IFNL3: variants seen among roughly 807,000 people sequenced by gnomAD.
The protein encoded by IFNL3 is interferon lambda-3.
In IFNL3, 16 loss-of-function variants were observed where a neutral mutation model predicts 16.3. The ratio of observed to expected loss-of-function variants is 0.98; its 90% CI spans 0.67 to 1.50. The LOEUF (loss-of-function observed/expected upper bound fraction) is 1.50. IFNL3 is among the 40% of genes most tolerant of loss of function. The pLI, the probability that IFNL3 is intolerant of heterozygous loss-of-function variation, is 0.00. For synonymous variants in IFNL3, 115 were observed against 115.3 expected (o/e 1.00, Z 0.02); for missense variants, 254 against 253.5 (o/e 1.00, Z -0.01).
At chr19:39,245,203 C>T (rs913967857), upstream of IFNL3, 7 of 804,384 alleles carry the variant, frequency 8.7e-6, no homozygotes, top group South Asian at 8.6e-5. Context: ...TGTGTCCTGG[C>T]TTTGACTCTT....
At position 39,244,301 on chromosome 19, in the gene IFNL3, T is replaced by G. The variant is rs994115031; in HGVS notation, c.258+116A>C. 1,147 of 1,464,284 alleles carry G rather than the reference T, an allele frequency of 7.8e-4. 10 individuals are homozygous for G. The highest frequency in any genetic ancestry group is 1.8e-3 in the Middle Eastern group (10 of 5,684). The allele number at this position is 1,464,284 out of a possible 1,614,324, so 90.7% of individuals were successfully genotyped here. On this transcript the variant is annotated intron_variant, in intron 2 of 4. Coordinates refer to ENST00000413851, the MANE Select transcript of IFNL3 (RefSeq NM_172139.4). ...GTCAGGTAGGAGCAGAGGGAAGGGG[T>G]AGCAGGTGTGGGGAGAGGAGAGAGG...
Position 39,244,173 on chromosome 19 carries a change from A to G in IFNL3, c.259-16T>C. 1.9e-6 allele frequency: 3 copies of G among 1,614,002 alleles called. No homozygotes were observed. Among genetic ancestry groups the G allele is most frequent in the East Asian group, 2.2e-5 (1 of 44,868 alleles). ...GCTCCCTCACCTGAGGAGAGGTGAG[A>G]AAGAGCAGGTGAGGGGGGAGGTGAG... On this transcript the variant is annotated splice_polypyrimidine_tract_variant and intron_variant, in intron 2 of 4. Coordinates refer to ENST00000413851, the MANE Select transcript of IFNL3 (RefSeq NM_172139.4).
chr19:39,243,714 A>G lies in IFNL3; in HGVS notation c.509T>C (p.Leu170Pro). The change falls in exon 5 of 5, where the codon CTC (leucine) becomes CCC (proline). Residue 170 changes from leucine (L) to proline (P), a missense_variant. Transcript: ENST00000413851. ...EAPKKESPGC[L>P]EASVTFNLFR... is the part of the protein sequence containing the mutation. ...GAGGTTGAAGGTGACAGAGGCCTCGAGGCAGCCAGGGGACTCCTGTAGGGA... is the reference window on the plus strand; with the variant it reads ...GAGGTTGAAGGTGACAGAGGCCTCGGGGCAGCCAGGGGACTCCTGTAGGGA... The G allele has an allele frequency of 6.2e-7, 1 of 1,611,138 alleles. No individual in the cohort carries two copies. The highest frequency in any genetic ancestry group is 1.1e-5 in the South Asian group (1 of 90,672).
Position 39,243,823 on chromosome 19 carries a change from C to A in IFNL3, c.492+1G>T, listed in dbSNP as rs2144968439. 1 of 1,613,856 alleles carries A rather than the reference C, an allele frequency of 6.2e-7. No individual in the cohort carries two copies. Among genetic ancestry groups the A allele is most frequent in the South Asian group, 1.1e-5 (1 of 91,064 alleles). ...AGTCCCTCTCTTCCCGGGTCACTCA[C>A]CTTTTTTGGGGCCTCCTGGAGCCGG... On this transcript the variant is annotated splice_donor_variant, in intron 4 of 4. Coordinates refer to ENST00000413851, the MANE Select transcript of IFNL3 (RefSeq NM_172139.4). LOFTEE classifies it high-confidence loss of function.
chr19:39,244,241 G>C (rs2074931532), intron 2 of IFNL3, 84 bp from the exon 3 acceptor site: 1 of 1,573,032 alleles, frequency 6.4e-7, no homozygotes, highest in Admixed American at 1.8e-5. Flanking sequence ...ACAAGTGAAG[G>C]TGACAGGCAC....
At position 39,243,562 on chromosome 19, in the gene IFNL3, G is replaced by A; in HGVS notation, c.*70C>T. 1 of 1,475,208 alleles carries A rather than the reference G, an allele frequency of 6.8e-7. No homozygotes were observed. The highest frequency in any genetic ancestry group is 9.3e-7 in the Non-Finnish European group (1 of 1,080,278). The allele number at this position is 1,475,208 out of a possible 1,614,324, so 91.4% of individuals were successfully genotyped here. ...ATACACAAATACATAAATAGCGACT[G>A]GGTGACAATAAATTAAGCCAAGTGG... On this transcript the variant is annotated 3_prime_UTR_variant, in exon 5 of 5. Coordinates refer to ENST00000413851, the MANE Select transcript of IFNL3 (RefSeq NM_172139.4).
chr19:39,243,489 T>G, downstream of IFNL3: 1 of 1,029,388 alleles, frequency 9.7e-7, no homozygotes, highest in East Asian at 2.6e-5. Context: ...AACAAGGATT[T>G]CAAAAAGTAG....
chr19:39,243,779 C>A (rs540316223), intron 4 of IFNL3, 45 bp downstream of exon 4: 6 of 1,613,000 alleles, frequency 3.7e-6, no homozygotes, highest in Non-Finnish European at 1.7e-6. Context: ...TCTGGGCTCC[C>A]AGTGGCTCCC....
Position 39,244,879 on chromosome 19 carries a change from G to A in IFNL3, c.89C>T (p.Ala30Val), listed in dbSNP as rs2074937206. ...GAVPVARLRGALPDARGCHIA... is the reference protein window; with the variant it reads ...GAVPVARLRGVLPDARGCHIA... ...GTGGCAGCCCCTTGCATCCGGGAGAGCCCCGCGGAGCCTGGCGACAGGAAC... is the reference window on the plus strand; with the variant it reads ...GTGGCAGCCCCTTGCATCCGGGAGAACCCCGCGGAGCCTGGCGACAGGAAC... The change falls in exon 1 of 5, where the codon GCT becomes GTT. Residue 30 changes from alanine to valine, a missense_variant. Transcript: ENST00000413851. The A allele has an allele frequency of 6.2e-7, 1 of 1,614,000 alleles. No individual in the cohort carries two copies. Among genetic ancestry groups the A allele is most frequent in the Non-Finnish European group, 8.5e-7 (1 of 1,179,874 alleles).
At chr19:39,244,685 G>C (rs2074935550) in intron 1 of IFNL3, 103 bp downstream of exon 1, 2 of 1,465,814 alleles carry the variant, frequency 1.4e-6, no homozygotes, top group South Asian at 2.6e-5. Context: ...TGCAGGGAGG[G>C]TGGAGGCTAG....
chr19:39,244,191 G>T, intron 2 of IFNL3, 34 bp from the exon 3 acceptor site: 1 of 1,612,524 alleles, frequency 6.2e-7, no homozygotes, highest in Non-Finnish European at 8.5e-7. Context: ...GGTGAGGGGG[G>T]AGGTGAGGGG....
chr19:39,244,623 T>C, intron 1 of IFNL3, 129 bp from the exon 2 acceptor site: 7 of 1,372,718 alleles, frequency 5.1e-6, no homozygotes, highest in Non-Finnish European at 7.0e-6. Context: ...AGGACCCTCT[T>C]CTTCAGGAAA....
At chr19:39,245,109 A>G (rs201422642), upstream of IFNL3, 143 of 1,587,884 alleles carry the variant, frequency 9.0e-5, no homozygotes, top group African/African-American at 1.9e-3. Flanking sequence ...AGCAGAAGAA[A>G]CACTCTGAGG....
At chr19:39,243,937 C>T (rs201093376) in intron 3 of IFNL3, 30 bp from the exon 4 acceptor site, 109 of 1,611,798 alleles carry the variant, frequency 6.8e-5, no homozygotes, top group African/African-American at 4.5e-4. Flanking sequence ...GTGTGTGAGC[C>T]GGGGCCTTGG....
In IFNL3 at chr19:39,244,028, G is replaced by C. The variant is rs376167807; in HGVS notation, c.388C>G (p.Leu130Val). ...CTCACACAGGCCCGGAGCTGGGAGA[G>C]GATATGGTGCAGGGTGTGAAGGGGC... ...DQPLHTLHHILSQLRACIQPQ... is the reference protein window; with the variant it reads ...DQPLHTLHHIVSQLRACIQPQ... The change falls in exon 3 of 5, where the codon CTC (leucine) becomes GTC (valine). Residue 130 changes from leucine (L) to valine (V), a missense_variant. By Grantham distance (32) the Leu-to-Val change is conservative. Coordinates refer to ENST00000413851, the MANE Select transcript of IFNL3 (RefSeq NM_172139.4). 9.4e-5 allele frequency: 152 copies of C among 1,614,180 alleles called. No homozygotes were observed. The South Asian group carries it at 1.4e-3, about 14-fold the overall frequency.
chr19:39,244,193 G>A (rs1445818790), intron 2 of IFNL3, 36 bp from the exon 3 acceptor site: 1 of 1,612,578 alleles, frequency 6.2e-7, no homozygotes, highest in Admixed American at 1.7e-5. Flanking sequence ...TGAGGGGGGA[G>A]GTGAGGGGAA....
Position 39,244,020 on chromosome 19 carries a change from C to A in IFNL3, c.396G>T (p.Gln132His). 6.2e-7 allele frequency: 1 copy of A among 1,614,024 alleles called. No homozygotes were observed. Among genetic ancestry groups the A allele is most frequent in the Non-Finnish European group, 8.5e-7 (1 of 1,179,940 alleles). Residue 132 changes from glutamine (Q) to histidine (H), a missense_variant, in exon 3 of 5, where the codon CAG (glutamine) becomes CAT (histidine). Physicochemically the swap from Gln to His is conservative, Grantham distance 24. Transcript: ENST00000413851. ...PLHTLHHILS[Q>H]LRACIQPQPT... is the part of the protein sequence containing the mutation. Reference sequence around the variant, plus strand: ...CCTGACGACTCACACAGGCCCGGAGCTGGGAGAGGATATGGTGCAGGGTGT... The same window carrying A: ...CCTGACGACTCACACAGGCCCGGAGATGGGAGAGGATATGGTGCAGGGTGT...
At chr19:39,245,119 G>C, upstream of IFNL3, 6 of 1,569,730 alleles carry the variant, frequency 3.8e-6, no homozygotes, top group South Asian at 1.1e-5. Flanking sequence ...ACACTCTGAG[G>C]CTGTCACCCA....
In IFNL3 at chr19:39,244,014, C is replaced by A; in HGVS notation, c.402G>T (p.Arg134=). The change falls in exon 3 of 5, where the codon CGG becomes CGT. Residue 134 remains arginine (R), a synonymous_variant. Coordinates refer to ENST00000413851, the MANE Select transcript of IFNL3 (RefSeq NM_172139.4). ...CCGGGCCCTGACGACTCACACAGGC[C>A]CGGAGCTGGGAGAGGATATGGTGCA... ...HTLHHILSQL[R]ACIQPQPTAG... is the part of the protein sequence containing the mutation. 1 of 1,613,910 alleles carries A rather than the reference C, an allele frequency of 6.2e-7. No individual in the cohort carries two copies. Among genetic ancestry groups the A allele is most frequent in the Non-Finnish European group, 8.5e-7 (1 of 1,179,880 alleles).
Sources: allele counts gnomAD v4.1 joint callset, GRCh38; gene constraint gnomAD v4.1.1; transcripts MANE v1.5; gene names NCBI Gene and HGNC (gene_info 2026-07-23, HGNC 2026-07-21).